SPRY3: variants seen among roughly 807,000 people sequenced by gnomAD.
The protein encoded by SPRY3 is protein sprouty homolog 3.
Under a neutral mutation model 20.2 loss-of-function variants are expected in SPRY3, and 15 were observed. The ratio of observed to expected loss-of-function variants is 0.74; its 90% CI spans 0.50 to 1.14. The LOEUF is 1.14. Ranked by LOEUF, SPRY3 falls within the 50% of genes most tolerant of loss-of-function variation. The pLI is 0.00. For synonymous variants in SPRY3, 143 were observed against 136.5 expected (o/e 1.05, Z -0.33); for missense variants, 364 against 363.9 (o/e 1.00, Z 0.00).
exon 4 of SPRY3, chrX:155,773,894 A>C: frequency 6.2e-7 from 1 of 1,613,744 alleles, no homozygotes; most frequent in Non-Finnish European, 8.5e-7. Context: ...GTGACAGATG[A>C]TTTTCAACAA....
At chrX:155,723,670 A>G (rs2031650804) in intron 2 of SPRY3, among the ~76,000 whole-genome samples, 1 of 151,984 alleles carries the variant, frequency 6.6e-6, no homozygotes, top group Non-Finnish European at 1.5e-5. Context: ...TTCCTTGTAG[A>G]TTCTGGATAT....
chrX:155,633,376 TAAA>T (rs1170609386), intron 1 of SPRY3, among the ~76,000 whole-genome samples: 1 of 21,091 alleles, frequency 4.7e-5, no homozygotes. Context: ...CCGTCTCTAC[TAAA>T]AAAAAAAAAA....
rs113470339 is a variant in SPRY3 at position 155,651,385 on chromosome X, G to A, written c.-440-5482G>A. On this transcript the variant is annotated intron_variant, in intron 1 of 3. Transcript: ENST00000675360. ...AGGTATTTTTAAGTTTAGACATTCT[G>A]GTAGGTTTATAGGGGTATCTCATTG... 2.0e-3 allele frequency among the ~76,000 whole-genome samples: 228 copies of A among 111,690 alleles called. 2 individuals carry two copies. Among genetic ancestry groups the A allele is most frequent in the African/African-American group, 7.1e-3 (218 of 30,704 alleles).
At chrX:155,618,005 G>T (rs1343280104) in intron 1 of SPRY3, among the ~76,000 whole-genome samples, 1 of 111,707 alleles carries the variant, frequency 9.0e-6, no homozygotes, top group Non-Finnish European at 1.9e-5. Flanking sequence ...AATTTACATT[G>T]GTAAAATCCA....
chrX:155,773,766 G>A, exon 4 of SPRY3: 1 of 1,341,944 alleles, frequency 7.5e-7, no homozygotes. Flanking sequence ...TCTCTCCTAG[G>A]ATTTTCTCAT....
At chrX:155,682,540 A>G in intron 2 of SPRY3, among the ~76,000 whole-genome samples, 1 of 111,451 alleles carries the variant, frequency 9.0e-6, no homozygotes, top group East Asian at 2.8e-4. Flanking sequence ...ACATTTTTTG[A>G]GGCAGAGTCT....
chrX:155,781,839 G>A (rs1168116973), exon 2 of SPRY3: 1 of 164,776 alleles, frequency 6.1e-6, no homozygotes, highest in Non-Finnish European at 1.5e-5. Context: ...CTGATAGCAT[G>A]TAACAAGATT....
intron 2 of SPRY3, among the ~76,000 whole-genome samples, chrX:155,694,054 C>T (rs896587399): frequency 2.7e-5 from 3 of 112,456 alleles, no homozygotes; most frequent in Non-Finnish European, 5.6e-5. Flanking sequence ...ATCCTCCTGC[C>T]TTGGCCTCCC....
chrX:155,724,311 A>AT (rs1452729349), intron 2 of SPRY3, among the ~76,000 whole-genome samples: 1 of 152,026 alleles, frequency 6.6e-6, no homozygotes, highest in Non-Finnish European at 1.5e-5. Flanking sequence ...TTTTTTTCCA[A>AT]TTCTGTGAAG....
intron 1 of SPRY3, among the ~76,000 whole-genome samples, chrX:155,656,737 T>C (rs1203441325): frequency 8.9e-6 from 1 of 111,821 alleles, no homozygotes; most frequent in African/African-American, 3.3e-5. Flanking sequence ...CATGGATTTA[T>C]CTACCTTTGA....
intron 2 of SPRY3, among the ~76,000 whole-genome samples, chrX:155,715,443 T>C (rs1198705449): frequency 1.3e-5 from 2 of 152,056 alleles, no homozygotes; most frequent in Non-Finnish European, 2.9e-5. Context: ...TGAGCTAGTA[T>C]CTAAGTTGCA....
At chrX:155,731,771 T>G (rs2124564485) in intron 2 of SPRY3, among the ~76,000 whole-genome samples, 1 of 152,160 alleles carries the variant, frequency 6.6e-6, no homozygotes, top group South Asian at 2.1e-4. Context: ...GACAAGAGAT[T>G]AATAATCAGA....
chrX:155,744,142 T>C (rs1390709624), intron 2 of SPRY3, among the ~76,000 whole-genome samples: 1 of 152,084 alleles, frequency 6.6e-6, no homozygotes, highest in Admixed American at 6.6e-5. Flanking sequence ...AGGCCACCTA[T>C]GAACTGGGTG....
chrX:155,684,146 T>A (rs1401449254), intron 2 of SPRY3, among the ~76,000 whole-genome samples: 1 of 110,061 alleles, frequency 9.1e-6, no homozygotes, highest in Admixed American at 9.7e-5. Flanking sequence ...GATGGAGTGT[T>A]TGAGGGGGTT....
At chrX:155,708,272 G>C (rs1389791051) in intron 2 of SPRY3, among the ~76,000 whole-genome samples, 4 of 151,346 alleles carry the variant, frequency 2.6e-5, no homozygotes, top group African/African-American at 7.2e-5. Context: ...ACTTTTGAAA[G>C]ATAATTCTGA....
At chrX:155,616,125 TCTCTC>T (rs2067851568) in intron 1 of SPRY3, among the ~76,000 whole-genome samples, 4 of 51,213 alleles carry the variant, frequency 7.8e-5, no homozygotes, top group Non-Finnish European at 2.1e-4. Flanking sequence ...TCTCTCTCTC[TCTCTC>T]CTCTCTCTCT....
chrX:155,747,394 C>T (rs964368185), intron 2 of SPRY3, among the ~76,000 whole-genome samples: 2 of 151,746 alleles, frequency 1.3e-5, no homozygotes, highest in Non-Finnish European at 2.9e-5. Flanking sequence ...AGCTTCATGG[C>T]CCCACAAAAG....
At position 155,745,556 on chromosome X, in the gene SPRY3, C is replaced by T. The variant is rs750046986; in HGVS notation, c.-281-22406C>T. Among the ~76,000 whole-genome samples the T allele has an allele frequency of 2.0e-5, 3 of 152,018 alleles. No individual in the cohort carries two copies. The South Asian group carries it at 6.2e-4, about 32-fold the overall frequency. Reference sequence around the variant, plus strand: ...TTCTAAGATACCTGGCCTTGTCTTCCAAACAAAAAATCATCCTTGACATGC... The same window carrying T: ...TTCTAAGATACCTGGCCTTGTCTTCTAAACAAAAAATCATCCTTGACATGC... On this transcript the variant is annotated intron_variant, in intron 2 of 3. Coordinates refer to ENST00000675360, the Ensembl canonical transcript of SPRY3.
At chrX:155,727,660 AG>A (rs2091107602) in intron 2 of SPRY3, among the ~76,000 whole-genome samples, 2 of 152,046 alleles carry the variant, frequency 1.3e-5, no homozygotes, top group Admixed American at 1.3e-4. Context: ...AGGTCATGTA[AG>A]GTCTTCTCTA....
Sources: gnomAD v4.1 joint callset for allele counts (sites outside exome capture counted in the v4.1 genomes callset) on GRCh38, gnomAD v4.1.1 for gene constraint, MANE v1.5 for transcripts, NCBI Gene and HGNC (gene_info 2026-07-23, HGNC 2026-07-21) for gene names.